Variants in UBLCP1 observed in about 807,000 individuals in gnomAD.
The protein encoded by UBLCP1 is ubiquitin like domain containing CTD phosphatase 1.
Under a neutral mutation model 42.4 loss-of-function variants are expected in UBLCP1, and 28 were observed. The observed-to-expected ratio is 0.66, with a 90% CI of 0.49 to 0.90. UBLCP1 has a LOEUF of 0.90. Ranked by LOEUF, UBLCP1 falls within the 40% of genes least tolerant of loss-of-function variation. UBLCP1 has a pLI of 0.00. For synonymous variants in UBLCP1, 122 were observed against 120.8 expected (o/e 1.01, Z -0.07); for missense variants, 279 against 374.5 (o/e 0.75, Z 2.10).
chr5:159,278,764 G>A (rs1470377987), intron 9 of UBLCP1, among the ~76,000 whole-genome samples: 1 of 151,934 alleles, frequency 6.6e-6, no homozygotes, highest in Non-Finnish European at 1.5e-5. Context: ...GTAGAGACAG[G>A]GTTTCACCAT....
At chr5:159,266,158 T>C (rs1441128015) in intron 1 of UBLCP1, among the ~76,000 whole-genome samples, 1 of 152,220 alleles carries the variant, frequency 6.6e-6, no homozygotes, top group Non-Finnish European at 1.5e-5. Context: ...TGGGAAAGTT[T>C]GGAACTTCCT....
chr5:159,275,459 C>A (rs1221982243), intron 8 of UBLCP1: 7 of 309,748 alleles, frequency 2.3e-5, no homozygotes, highest in South Asian at 9.1e-5. Flanking sequence ...GCCGCCCAGG[C>A]TGGAGTGCAG....
At position 159,268,904 on chromosome 5, in the gene UBLCP1, T is replaced by C; in HGVS notation, c.-12T>C. ...TTTCTGAAGGAAAGCTGCTTCCTCA[T>C]ATGTTTCAAGAATGGCTCTCCCTAT... On this transcript the variant is annotated 5_prime_UTR_variant, in exon 2 of 11. Coordinates refer to ENST00000296786, the MANE Select transcript of UBLCP1 (RefSeq NM_145049.5). 1 of 1,601,926 alleles carries C rather than the reference T, an allele frequency of 6.2e-7. No individual in the cohort carries two copies. Among genetic ancestry groups the C allele is most frequent in the South Asian group, 1.1e-5 (1 of 87,388 alleles).
At chr5:159,273,834 TCACA>T (rs34999232) in intron 6 of UBLCP1, among the ~76,000 whole-genome samples, 64,961 of 148,470 alleles carry the variant, frequency 0.44, 14,705 homozygotes, top group Non-Finnish European at 0.5. Context: ...CTTTTAAAAA[TCACA>T]CACACACACA....
chr5:159,279,832 T>C (rs867346496), intron 9 of UBLCP1, among the ~76,000 whole-genome samples: 1 of 152,178 alleles, frequency 6.6e-6, no homozygotes, highest in South Asian at 2.1e-4. Flanking sequence ...TAATTGTTTG[T>C]GAAACGAATG....
rs5872593 is a variant in UBLCP1 at position 159,281,861 on chromosome 5, C to CAA, written c.802-1338_802-1337dup. Among the ~76,000 whole-genome samples the CAA allele has an allele frequency of 1.5e-3, 208 of 142,198 alleles. 1 individual carries two copies. The highest frequency in any genetic ancestry group is 5.0e-3 in the African/African-American group (195 of 38,934). The allele number at this position is 142,198 out of a possible 152,430, so 93.3% of individuals were successfully genotyped here. Reference sequence around the variant, plus strand: ...CTGTGTAAAATTAATAACTAATGACCAAAAAAAAAAAAAACTAATGACCAA... The same window carrying CAA: ...CTGTGTAAAATTAATAACTAATGACCAAAAAAAAAAAAAAAACTAATGACCAA... On this transcript the variant is annotated intron_variant, in intron 9 of 10. Coordinates refer to ENST00000296786, the MANE Select transcript of UBLCP1 (RefSeq NM_145049.5).
rs978692598 is a variant in UBLCP1, at chr5:159,279,081, G to A, written c.801+727G>A. ...AAGACGTTTTTGAAAATTCCTAGAC[G>A]GCAAGTACAGATCTTAGAATTAGAC... On this transcript the variant is annotated intron_variant, in intron 9 of 10. Transcript: ENST00000296786. Among the ~76,000 whole-genome samples the A allele has an allele frequency of 3.9e-5, 6 of 152,042 alleles. No individual in the cohort carries two copies. In the South Asian group the frequency reaches 6.2e-4, roughly 16 times the overall value.
chr5:159,283,259 A>G lies in UBLCP1; in HGVS notation c.849A>G (p.Glu283=), dbSNP rs1209927750. The change falls in exon 10 of 11, where the codon GAA becomes GAG. Residue 283 remains glutamate, a synonymous_variant. Transcript: ENST00000296786. ...KAHLNRDKDK[E]LLKLTQYLKE... ...ACCTAAATCGTGATAAAGACAAAGA[A>G]CTTTTAAAATTAACTCAGTACCTCA... 6.2e-7 allele frequency: 1 copy of G among 1,607,120 alleles called. No homozygotes were observed. Among genetic ancestry groups the G allele is most frequent in the South Asian group, 1.1e-5 (1 of 88,996 alleles).
At position 159,270,435 on chromosome 5, in the gene UBLCP1, G is replaced by A; in HGVS notation, c.322G>A (p.Val108Ile). Reference protein sequence around the residue: ...DFDIEDEVVEVENREENLLKI... With the variant: ...DFDIEDEVVEIENREENLLKI... ...TGATATTGAAGATGAAGTAGTTGAAGTAGAAAATAGGTAAGTGCTTTTCGC... is the reference window on the plus strand; with the variant it reads ...TGATATTGAAGATGAAGTAGTTGAAATAGAAAATAGGTAAGTGCTTTTCGC... Residue 108 changes from valine to isoleucine, a missense_variant, in exon 4 of 11, where the codon GTA (valine) becomes ATA (isoleucine). Transcript: ENST00000296786. 1.9e-6 allele frequency: 3 copies of A among 1,613,302 alleles called. No individual in the cohort carries two copies. The highest frequency in any genetic ancestry group is 1.7e-6 in the Non-Finnish European group (2 of 1,179,490).
At chr5:159,270,704 C>T (rs62378743) in intron 5 of UBLCP1, 61 bp downstream of exon 5, 10,389 of 1,019,486 alleles carry the variant, frequency 0.01, 83 homozygotes, top group Admixed American at 0.028. Context: ...TTTTTCTTTT[C>T]TTTGTTTTTT....
At position 159,285,793 on chromosome 5, in the gene UBLCP1, G is replaced by C. The variant is rs975758950; in HGVS notation, c.*862G>C. 6.5e-6 allele frequency: 1 copy of C among 152,710 alleles called. No homozygotes were observed. Among genetic ancestry groups the C allele is most frequent in the Non-Finnish European group, 1.5e-5 (1 of 68,020 alleles). 9.5% of individuals were successfully genotyped at this position (152,710 alleles called of 1,614,324 possible). On this transcript the variant is annotated 3_prime_UTR_variant, in exon 11 of 11. Transcript: ENST00000296786. ...AACAAAAAGTTTTTGTTCTGTTCCA[G>C]CTATATCTTGTCTAAGTGCTAACAC...
chr5:159,275,124 C>A, intron 7 of UBLCP1, 24 bp from the exon 8 acceptor site: 1 of 1,596,940 alleles, frequency 6.3e-7, no homozygotes, highest in Non-Finnish European at 8.6e-7. Context: ...TATGTTTTAA[C>A]CTCACAAATA....
rs766080585 is a variant in UBLCP1 at position 159,270,285 on chromosome 5, T to C, written c.247-75T>C. On this transcript the variant is annotated intron_variant, in intron 3 of 10. Coordinates refer to ENST00000296786, the MANE Select transcript of UBLCP1 (RefSeq NM_145049.5). The stretch of plus-strand genomic sequence containing the variant: ...CTGGAACTCAAATTGTATCTCTCAT[T>C]TTATTTTTATGCTATGCATGTATTT... 411 of 1,231,430 alleles carry C rather than the reference T, an allele frequency of 3.3e-4. 1 individual carries two copies. The highest frequency in any genetic ancestry group is 4.6e-4 in the Non-Finnish European group (394 of 864,272). 76.3% of individuals were successfully genotyped at this position (1,231,430 alleles called of 1,614,324 possible).
In UBLCP1 at chr5:159,268,867, CAGGTATT is replaced by C; in HGVS notation, c.-46-2_-42del. 6.3e-7 allele frequency: 1 copy of C among 1,575,308 alleles called. No homozygotes were observed. Among genetic ancestry groups the C allele is most frequent in the East Asian group, 2.3e-5 (1 of 43,914 alleles). On this transcript the variant is annotated splice_acceptor_variant and 5_prime_UTR_variant, in exon 2 of 11. Transcript: ENST00000296786. LOFTEE classifies it low-confidence loss of function (5UTR_SPLICE). ...ACTTGTTCATTTTTGTCTTCCTTTC[CAGGTATT>C]TTTTTTTCTGAAGGAAAGCTGCTTC...
chr5:159,263,778 C>A (rs1753333777), intron 1 of UBLCP1, among the ~76,000 whole-genome samples: 1 of 152,172 alleles, frequency 6.6e-6, no homozygotes, highest in Non-Finnish European at 1.5e-5. Context: ...GTGCGGTTCT[C>A]GCCGGAGTTC....
intron 9 of UBLCP1, among the ~76,000 whole-genome samples, chr5:159,280,523 G>A (rs1443282363): frequency 6.6e-6 from 1 of 152,146 alleles, no homozygotes; most frequent in Non-Finnish European, 1.5e-5. Flanking sequence ...GGCTGGTCTC[G>A]AGGTCCTGCA....
chr5:159,275,488 G>A (rs980934791), intron 8 of UBLCP1, among the ~76,000 whole-genome samples: 8 of 127,200 alleles, frequency 6.3e-5, no homozygotes, highest in Non-Finnish European at 6.3e-5. Context: ...TCTCGCTCAC[G>A]CAAGCTCCGC....
At chr5:159,267,864 C>T (rs1349250953) in intron 1 of UBLCP1, among the ~76,000 whole-genome samples, 1 of 152,202 alleles carries the variant, frequency 6.6e-6, no homozygotes, top group Non-Finnish European at 1.5e-5. Flanking sequence ...GAGGCCTCCC[C>T]AGCCATTCTG....
chr5:159,284,975 G>T lies in UBLCP1; in HGVS notation c.*44G>T. 2 of 1,589,722 alleles carry T rather than the reference G, an allele frequency of 1.3e-6. No homozygotes were observed. The highest frequency in any genetic ancestry group is 1.1e-5 in the South Asian group (1 of 90,502). ...GTTATTGAAGATACTTAAGATCCAA[G>T]AACTTCTTGCTTTTATGCTAGAAAT... On this transcript the variant is annotated 3_prime_UTR_variant, in exon 11 of 11. Transcript: ENST00000296786.
Sources: gnomAD v4.1 joint callset for allele counts (sites outside exome capture counted in the v4.1 genomes callset) on GRCh38, gnomAD v4.1.1 for gene constraint, MANE v1.5 for transcripts, NCBI Gene and HGNC (gene_info 2026-07-23, HGNC 2026-07-21) for gene names.